The following CSRNP3 variants were observed in gnomAD, a reference collection of about 807,000 sequenced individuals.
The protein encoded by CSRNP3 is cysteine/serine-rich nuclear protein 3.
A neutral mutation model predicts 48.0 loss-of-function variants in CSRNP3; 12 were observed. The ratio of observed to expected loss-of-function variants is 0.25; its 90% CI spans 0.16 to 0.41. The LOEUF (loss-of-function observed/expected upper bound fraction) is 0.41, where lower values mean the gene tolerates loss of function less well. Ranked by LOEUF, CSRNP3 falls within the 10% of genes least tolerant of loss-of-function variation. The pLI is 1.00. For synonymous variants in CSRNP3, 263 were observed against 269.7 expected, an observed-to-expected ratio of 0.98 and a Z score of 0.24; for missense variants, 580 against 724.4, an observed-to-expected ratio of 0.80 and a Z score of 2.29.
At chr2:165,550,104 T>A (rs1006063398) in intron 3 of CSRNP3, among the ~76,000 whole-genome samples, 2 of 152,084 alleles carry the variant, frequency 1.3e-5, no homozygotes, top group African/African-American at 4.8e-5. Context: ...TGTTAAACAT[T>A]CCTCTCAGAA....
chr2:165,501,133 T>C (rs1344080411), intron 2 of CSRNP3, among the ~76,000 whole-genome samples: 1 of 152,138 alleles, frequency 6.6e-6, no homozygotes, highest in East Asian at 1.9e-4. Flanking sequence ...CTTCCCATTA[T>C]AGTGGTCATT....
chr2:165,675,281 A>C (rs1687405744), intron 5 of CSRNP3, among the ~76,000 whole-genome samples: 1 of 152,144 alleles, frequency 6.6e-6, no homozygotes, highest in African/African-American at 2.4e-5. Context: ...ATTATAATTA[A>C]TAAATTTTAG....
intron 3 of CSRNP3, among the ~76,000 whole-genome samples, chr2:165,586,368 G>A (rs1352567218): frequency 2.0e-5 from 3 of 152,128 alleles, no homozygotes; most frequent in Non-Finnish European, 2.9e-5. Context: ...TTGGTTAATT[G>A]CACAGTCATT....
At chr2:165,487,800 A>T (rs1349338656) in intron 1 of CSRNP3, among the ~76,000 whole-genome samples, 2 of 150,786 alleles carry the variant, frequency 1.3e-5, no homozygotes, top group African/African-American at 5.0e-5. Context: ...AGGAAGTGCT[A>T]AACATGGAAA....
At chr2:165,599,751 G>A (rs1685880520) in intron 4 of CSRNP3, among the ~76,000 whole-genome samples, 1 of 152,068 alleles carries the variant, frequency 6.6e-6, no homozygotes, top group Non-Finnish European at 1.5e-5. Flanking sequence ...GGGCTTCTCT[G>A]CAATGGTTTT....
At chr2:165,650,010 AG>A (rs1686878830) in intron 4 of CSRNP3, among the ~76,000 whole-genome samples, 2 of 152,148 alleles carry the variant, frequency 1.3e-5, no homozygotes, top group Non-Finnish European at 2.9e-5. Context: ...GTAAAATAAC[AG>A]ATCAGCTTAT....
At chr2:165,658,162 C>T (rs371176147) in intron 5 of CSRNP3, 142 bp downstream of exon 5, 59 of 888,178 alleles carry the variant, frequency 6.6e-5, no homozygotes, top group Middle Eastern at 7.1e-4. Flanking sequence ...TAAAGCAAAA[C>T]GATATAGTCT....
intron 4 of CSRNP3, among the ~76,000 whole-genome samples, chr2:165,643,015 TC>T (rs1686750365): frequency 6.6e-6 from 1 of 152,172 alleles, no homozygotes; most frequent in Admixed American, 6.5e-5. Context: ...ATAGAGTGAT[TC>T]TATTCTTCCA....
chr2:165,522,669 TAA>T, intron 3 of CSRNP3, among the ~76,000 whole-genome samples: 1 of 151,930 alleles, frequency 6.6e-6, no homozygotes, highest in Non-Finnish European at 1.5e-5. Context: ...ACAAATGTAA[TAA>T]ACTCTTTTCC....
At chr2:165,637,492 G>T (rs560711964) in intron 4 of CSRNP3, among the ~76,000 whole-genome samples, 18 of 152,260 alleles carry the variant, frequency 1.2e-4, no homozygotes, top group Admixed American at 1.1e-3. Context: ...ACTCATAGCT[G>T]GTCATGATTG....
chr2:165,529,620 T>A (rs1684786015), intron 3 of CSRNP3, among the ~76,000 whole-genome samples: 1 of 152,236 alleles, frequency 6.6e-6, no homozygotes. Flanking sequence ...TAAATACATA[T>A]ACACACATGC....
At chr2:165,526,366 G>A (rs1339774045) in intron 3 of CSRNP3, among the ~76,000 whole-genome samples, 1 of 151,922 alleles carries the variant, frequency 6.6e-6, no homozygotes, top group Non-Finnish European at 1.5e-5. Flanking sequence ...CTGCATATAT[G>A]ATACAAATGG....
chr2:165,616,665 T>C (rs1370750365), intron 4 of CSRNP3, among the ~76,000 whole-genome samples: 1 of 152,198 alleles, frequency 6.6e-6, no homozygotes, highest in East Asian at 1.9e-4. Context: ...TTGATGCTTT[T>C]CTGTTACTGT....
intron 4 of CSRNP3, among the ~76,000 whole-genome samples, chr2:165,620,679 C>G (rs1205272433): frequency 6.6e-6 from 1 of 151,988 alleles, no homozygotes. Context: ...TAATGTAAAC[C>G]AATAGTAGGT....
chr2:165,537,328 G>C (rs1684894817), intron 3 of CSRNP3, among the ~76,000 whole-genome samples: 1 of 150,278 alleles, frequency 6.7e-6, no homozygotes, highest in Non-Finnish European at 1.5e-5. Flanking sequence ...TTACAGATTT[G>C]TTGGTAAAGA....
chr2:165,642,388 T>C (rs1686737295), intron 4 of CSRNP3, among the ~76,000 whole-genome samples: 1 of 152,218 alleles, frequency 6.6e-6, no homozygotes, highest in Non-Finnish European at 1.5e-5. Context: ...TTTTAGACTC[T>C]TCACAGGGAA....
intron 4 of CSRNP3, among the ~76,000 whole-genome samples, chr2:165,626,897 A>G (rs972019226): frequency 2.6e-5 from 4 of 152,260 alleles, no homozygotes; most frequent in Admixed American, 2.6e-4. Flanking sequence ...AACACAATGA[A>G]CAGATCCTTT....
chr2:165,588,077 A>G (rs1685660009), intron 3 of CSRNP3, among the ~76,000 whole-genome samples: 1 of 152,250 alleles, frequency 6.6e-6, no homozygotes, highest in Non-Finnish European at 1.5e-5. Flanking sequence ...AACAGTAAGT[A>G]ATAAGCATAG....
In CSRNP3 at chr2:165,679,786, T is replaced by C. The variant is rs1687502259; in HGVS notation, c.*33T>C. On this transcript the variant is annotated 3_prime_UTR_variant, in exon 7 of 7. Coordinates refer to ENST00000651982, the MANE Select transcript of CSRNP3 (RefSeq NM_001172173.2). Reference sequence around the variant, plus strand: ...AATTATTCTAGGACCAACTCTTCTCTTATTTAAGGCACTGTATTTAATTGG... The same window carrying C: ...AATTATTCTAGGACCAACTCTTCTCCTATTTAAGGCACTGTATTTAATTGG... 6.3e-7 allele frequency: 1 copy of C among 1,583,926 alleles called. No individual in the cohort carries two copies. The highest frequency in any genetic ancestry group is 1.2e-5 in the South Asian group (1 of 85,828).
Sources: gnomAD v4.1 joint callset for allele counts (sites outside exome capture counted in the v4.1 genomes callset) on GRCh38, gnomAD v4.1.1 for gene constraint, MANE v1.5 for transcripts, NCBI Gene and HGNC (gene_info 2026-07-23, HGNC 2026-07-21) for gene names.